Variants in ITPRID1 observed in about 807,000 individuals in gnomAD.
ITPRID1 encodes ITPR interacting domain containing 1, also known as protein ITPRID1.
Under a neutral mutation model 95.4 loss-of-function variants are expected in ITPRID1, and 96 were observed. The ratio of observed to expected loss-of-function variants is 1.01; its 90% CI spans 0.85 to 1.19. The LOEUF (loss-of-function observed/expected upper bound fraction) is 1.19. Ranked by LOEUF, ITPRID1 falls within the 50% of genes most tolerant of loss-of-function variation. The pLI is 0.00. For synonymous variants in ITPRID1, 510 were observed against 453.6 expected (o/e 1.12, Z -1.58); for missense variants, 1,339 against 1,252.9 (o/e 1.07, Z -1.04).
rs70986698 is a variant in ITPRID1, at chr7:31,654,053, C to CA, written c.*1243dup. ...GAAAGAGTTGGATGAAGAGTAAGTC[C>CA]AAAAAAAAAAAAAAAAAAACCAACA... On this transcript the variant is annotated 3_prime_UTR_variant, in exon 15 of 15. Transcript: ENST00000615280. 1.1e-3 allele frequency among the ~76,000 whole-genome samples: 148 copies of CA among 130,320 alleles called. 1 individual carries two copies. The highest frequency in any genetic ancestry group is 3.9e-3 in the Middle Eastern group (1 of 258). The allele number at this position is 130,320 out of a possible 152,430, so 85.5% of individuals were successfully genotyped here.
chr7:31,621,073 A>G (rs1431994919), intron 10 of ITPRID1, among the ~76,000 whole-genome samples: 1 of 151,876 alleles, frequency 6.6e-6, no homozygotes, highest in East Asian at 1.9e-4. Context: ...AATAAAAAGA[A>G]ATGAGCAAAG....
intron 1 of ITPRID1, among the ~76,000 whole-genome samples, chr7:31,534,013 T>C (rs1185855230): frequency 6.6e-6 from 1 of 152,126 alleles, no homozygotes; most frequent in Non-Finnish European, 1.5e-5. Context: ...AGATCAGCCA[T>C]GGTATTAGAT....
At chr7:31,603,406 A>G (rs1354310830) in intron 10 of ITPRID1, among the ~76,000 whole-genome samples, 2 of 145,218 alleles carry the variant, frequency 1.4e-5, no homozygotes, top group African/African-American at 5.1e-5. Flanking sequence ...CCCCCTCCCC[A>G]CCCACTCCAC....
chr7:31,519,620 C>CTCTCTCTCTCCATATATA lies in ITPRID1; in HGVS notation c.-98+5501_-98+5502insCTCTCTCTCCATATATAT. ...TCTCTCTCTCTCTCTCTCTCTCTCT[C>CTCTCTCTCTCCATATATA]TATATATATATATATATATATATAT... On this transcript the variant is annotated intron_variant, in intron 1 of 14. Coordinates refer to ENST00000615280, the MANE Select transcript of ITPRID1 (RefSeq NM_001257967.3). 9.1e-4 allele frequency among the ~76,000 whole-genome samples: 23 copies of CTCTCTCTCTCCATATATA among 25,272 alleles called. 3 individuals carry two copies. The highest frequency in any genetic ancestry group is 1.2e-3 in the Non-Finnish European group (17 of 13,726). 16.6% of individuals were successfully genotyped at this position (25,272 alleles called of 152,430 possible).
At chr7:31,531,920 A>G (rs1242018077) in intron 1 of ITPRID1, among the ~76,000 whole-genome samples, 2 of 152,162 alleles carry the variant, frequency 1.3e-5, no homozygotes, top group Non-Finnish European at 2.9e-5. Flanking sequence ...TTACAATCAC[A>G]TAAGGAGGAG....
intron 1 of ITPRID1, chr7:31,514,339 T>G (rs1046848595): frequency 5.3e-5 from 8 of 152,222 alleles, no homozygotes; most frequent in Non-Finnish European, 8.8e-5. Flanking sequence ...GCTAATAGGC[T>G]TCCTTTAAAT....
intron 10 of ITPRID1, among the ~76,000 whole-genome samples, chr7:31,586,764 C>T (rs765477725): frequency 1.3e-4 from 19 of 151,642 alleles, no homozygotes; most frequent in Non-Finnish European, 2.2e-4. Flanking sequence ...GAGTAGGTTG[C>T]GAAAATTTTC....
intron 5 of ITPRID1, among the ~76,000 whole-genome samples, chr7:31,565,049 C>T (rs1784749924): frequency 6.6e-6 from 1 of 152,068 alleles, no homozygotes; most frequent in South Asian, 2.1e-4. Context: ...ATGGGGAAAA[C>T]CAAAACAAAA....
intron 1 of ITPRID1, among the ~76,000 whole-genome samples, chr7:31,524,755 C>T (rs1213048724): frequency 6.6e-6 from 1 of 152,086 alleles, no homozygotes; most frequent in Non-Finnish European, 1.5e-5. Context: ...ATTCACCTAT[C>T]CTCTGTTATC....
At chr7:31,657,259 C>T (rs1273249719), downstream of ITPRID1, among the ~76,000 whole-genome samples, 1 of 151,350 alleles carries the variant, frequency 6.6e-6, no homozygotes, top group Non-Finnish European at 1.5e-5. Context: ...ACTCTGATTT[C>T]CTGATTTGTT....
chr7:31,586,481 CCA>C (rs1276073599), intron 10 of ITPRID1, among the ~76,000 whole-genome samples: 1 of 151,514 alleles, frequency 6.6e-6, no homozygotes, highest in Non-Finnish European at 1.5e-5. Context: ...TCCTATTTCT[CCA>C]CATCCTCTCC....
chr7:31,558,108 T>C (rs902743386), intron 5 of ITPRID1, among the ~76,000 whole-genome samples: 8 of 150,468 alleles, frequency 5.3e-5, no homozygotes, highest in Non-Finnish European at 1.0e-4. Flanking sequence ...GATAAAAGGA[T>C]GGGTTTGGTC....
rs776132868 is a variant in ITPRID1, at chr7:31,643,558, C to T, written c.2188C>T (p.Pro730Ser). The change falls in exon 12 of 15, where the codon CCC (proline) becomes TCC (serine). Residue 730 changes from proline (P) to serine (S), a missense_variant. Pro to Ser is a moderately conservative substitution (Grantham distance 74). Transcript: ENST00000615280. ...GAGGGCTGTGGCCTTGGGGACTGGT[C>T]CCAGAGGAACATCTTTAGAATGCAC... is the stretch of plus-strand genomic sequence containing the variant. Reference protein sequence around the residue: ...AQRAVALGTGPRGTSLECTVC... With the variant: ...AQRAVALGTGSRGTSLECTVC... 2.5e-6 allele frequency: 4 copies of T among 1,613,982 alleles called. No individual in the cohort carries two copies. In the Admixed American group the frequency reaches 6.7e-5, roughly 27 times the overall value.
chr7:31,618,618 ACT>A (rs1054029141), intron 10 of ITPRID1, among the ~76,000 whole-genome samples: 5 of 152,060 alleles, frequency 3.3e-5, no homozygotes, highest in Non-Finnish European at 5.9e-5. Flanking sequence ...AATTTCATAA[ACT>A]CCCCTCCATT....
chr7:31,519,061 A>G (rs1429219129), intron 1 of ITPRID1, among the ~76,000 whole-genome samples: 2 of 152,182 alleles, frequency 1.3e-5, no homozygotes, highest in Non-Finnish European at 2.9e-5. Context: ...CATTGTACAT[A>G]TGAGAAAACT....
Position 31,532,835 on chromosome 7 carries a change from A to T in ITPRID1, c.-97-16591A>T, listed in dbSNP as rs184974204. 6.0e-3 allele frequency among the ~76,000 whole-genome samples: 909 copies of T among 152,350 alleles called. 1 individual carries two copies. The highest frequency in any genetic ancestry group is 8.7e-3 in the Non-Finnish European group (592 of 68,034). On this transcript the variant is annotated intron_variant, in intron 1 of 14. Coordinates refer to ENST00000615280, the MANE Select transcript of ITPRID1 (RefSeq NM_001257967.3). ...AGCCATTCACAACATCTCTGGGCTG[A>T]TATTTTAATAATAAACCAATTTCAC...
intron 12 of ITPRID1, among the ~76,000 whole-genome samples, chr7:31,644,823 G>A (rs769396709): frequency 6.6e-6 from 1 of 152,204 alleles, no homozygotes; most frequent in Non-Finnish European, 1.5e-5. Context: ...GAAGGGGCTG[G>A]CACAGAGAAT....
intron 1 of ITPRID1, among the ~76,000 whole-genome samples, chr7:31,548,344 G>A (rs1784167706): frequency 6.6e-6 from 1 of 152,244 alleles, no homozygotes; most frequent in East Asian, 1.9e-4. Flanking sequence ...TGACTACATA[G>A]TCTGATGGCA....
chr7:31,601,014 T>C (rs1331925532), intron 10 of ITPRID1, among the ~76,000 whole-genome samples: 1 of 152,162 alleles, frequency 6.6e-6, no homozygotes, highest in Admixed American at 6.5e-5. Flanking sequence ...CCTGTAAGAC[T>C]TTAACTGTCT....
Sources: gnomAD v4.1 joint callset for allele counts (sites outside exome capture counted in the v4.1 genomes callset) on GRCh38, gnomAD v4.1.1 for gene constraint, MANE v1.5 for transcripts, NCBI Gene and HGNC (gene_info 2026-07-23, HGNC 2026-07-21) for gene names.